ABCC6: variants seen among roughly 807,000 people sequenced by gnomAD.
The protein encoded by ABCC6 is ATP-binding cassette sub-family C member 6.
ABCC6 carries 126 observed loss-of-function variants against 169.5 expected under a neutral mutation model. The ratio of observed to expected loss-of-function variants is 0.74; its 90% CI spans 0.64 to 0.86. The LOEUF is 0.86. ABCC6 is among the 40% of genes least tolerant of loss of function. The pLI is 0.00. For missense variants in ABCC6, 1,733 were observed against 1,927.2 expected (o/e 0.90, Z 1.89); for synonymous variants, 752 against 814.7 (o/e 0.92, Z 1.31).
rs776917491 is a variant in ABCC6 at position 16,161,441 on chromosome 16, G to A, written c.3630C>T (p.Leu1210=). The change falls in exon 25 of 31, where the codon CTC becomes CTT. Residue 1210 remains leucine (L), a synonymous_variant. Coordinates refer to ENST00000205557, the MANE Select transcript of ABCC6 (RefSeq NM_001171.6). The part of the protein sequence containing the change: ...GLVGFSVSAA[L]QVTQTLQWVV... Reference sequence around the variant, plus strand: ...AGTTTGGGGATGTGGGGAGTACCTGGAGGGCAGCAGAGACAGAGAAGCCCA... The same window carrying A: ...AGTTTGGGGATGTGGGGAGTACCTGAAGGGCAGCAGAGACAGAGAAGCCCA... The A allele has an allele frequency of 1.2e-6, 2 of 1,613,846 alleles. No individual in the cohort carries two copies. Among genetic ancestry groups the A allele is most frequent in the Admixed American group, 1.7e-5 (1 of 60,020 alleles).
rs746608585 is a variant in ABCC6, at chr16:16,182,836, G to A, written c.2038C>T (p.Leu680=). Residue 680 remains leucine, a synonymous_variant, in exon 16 of 31, where the codon CTG becomes TTG. Coordinates refer to ENST00000205557, the MANE Select transcript of ABCC6 (RefSeq NM_001171.6). ...CTCACGAACCCCTCCACCTTTGACA[G>A]CTCCCCAAGGAGGGCGGACAGCAGG... is the stretch of plus-strand genomic sequence containing the variant. ...SSLLSALLGE[L]SKVEGFVSIE... 2.5e-6 allele frequency: 4 copies of A among 1,614,074 alleles called. No homozygotes were observed. In the East Asian group the frequency reaches 8.9e-5, roughly 36 times the overall value.
chr16:16,208,656 G>A, intron 7 of ABCC6, 72 bp downstream of exon 7: 1 of 1,611,812 alleles, frequency 6.2e-7, no homozygotes, highest in African/African-American at 1.3e-5. Context: ...ACAGTCGTGA[G>A]CCACCGCACC....
chr16:16,160,950 C>T (rs532985589), intron 25 of ABCC6, among the ~76,000 whole-genome samples: 19 of 151,346 alleles, frequency 1.3e-4, no homozygotes, highest in African/African-American at 4.6e-4. Flanking sequence ...TAATAGTTAA[C>T]AAAAATTAGC....
chr16:16,180,150 T>G (rs543714957), intron 17 of ABCC6, among the ~76,000 whole-genome samples: 1 of 152,286 alleles, frequency 6.6e-6, no homozygotes, highest in East Asian at 1.9e-4. Flanking sequence ...CAATAAGGAA[T>G]GGCTGTAAAT....
chr16:16,214,212 A>G (rs1429074268), intron 5 of ABCC6, 112 bp downstream of exon 5: 1 of 1,544,362 alleles, frequency 6.5e-7, no homozygotes, highest in East Asian at 2.4e-5. Flanking sequence ...GAAATGTGGT[A>G]CACTTTTTGC....
intron 7 of ABCC6, 103 bp downstream of exon 7, chr16:16,208,625 G>A: frequency 6.3e-7 from 1 of 1,588,406 alleles, no homozygotes; most frequent in Admixed American, 1.7e-5. Flanking sequence ...GCCTGCCTCG[G>A]CCTCCCAAAA....
At chr16:16,203,964 G>A (rs924338195) in intron 7 of ABCC6, among the ~76,000 whole-genome samples, 14 of 152,114 alleles carry the variant, frequency 9.2e-5, no homozygotes, top group Admixed American at 5.9e-4. Flanking sequence ...TCAGAGAAGC[G>A]AACTTGCCCA....
rs558000952 is a variant in ABCC6 at position 16,219,454 on chromosome 16, A to G, written c.474+100T>C. The G allele has an allele frequency of 6.7e-4, 477 of 707,376 alleles. No individual in the cohort carries two copies. The African/African-American group carries it at 7.8e-3, about 12-fold the overall frequency. The allele number at this position is 707,376 out of a possible 1,614,324, so 43.8% of individuals were successfully genotyped here. On this transcript the variant is annotated intron_variant, in intron 4 of 30. Transcript: ENST00000205557. ...GTGACTGGCTTGTGTGTGTCACTGT[A>G]TAGAGAATAAGTTGTATGTGGAAAC...
At chr16:16,217,792 T>TA (rs2048932126) in intron 4 of ABCC6, among the ~76,000 whole-genome samples, 1 of 152,142 alleles carries the variant, frequency 6.6e-6, no homozygotes, top group East Asian at 2.0e-4. Flanking sequence ...GTTACTCTTT[T>TA]AAAAACTCTG....
At chr16:16,204,885 G>A (rs1454880066) in intron 7 of ABCC6, among the ~76,000 whole-genome samples, 4 of 150,778 alleles carry the variant, frequency 2.7e-5, no homozygotes, top group Non-Finnish European at 1.5e-5. Context: ...GCCCAGGCTG[G>A]AGTGCAGTGT....
chr16:16,167,361 G>A (rs930051535), intron 22 of ABCC6, among the ~76,000 whole-genome samples: 3 of 152,200 alleles, frequency 2.0e-5, no homozygotes, highest in African/African-American at 7.2e-5. Flanking sequence ...GAAATAAAGC[G>A]ATTTCTTGTT....
At position 16,192,385 on chromosome 16, in the gene ABCC6, G is replaced by A. The variant is rs369859974; in HGVS notation, c.1431+445C>T. On this transcript the variant is annotated intron_variant, in intron 11 of 30. Coordinates refer to ENST00000205557, the MANE Select transcript of ABCC6 (RefSeq NM_001171.6). ...CCGCTGTGGGTCTGAGTAGAGGAGG[G>A]GTACAACGTATTTGGTTTGCATAGG... is the stretch of plus-strand genomic sequence containing the variant. Among the ~76,000 whole-genome samples the A allele has an allele frequency of 2.0e-5, 3 of 152,056 alleles. No homozygotes were observed. In the East Asian group the frequency reaches 5.8e-4, roughly 29 times the overall value.
At chr16:16,220,580 G>GT (rs2049038035) in intron 2 of ABCC6, among the ~76,000 whole-genome samples, 1 of 152,028 alleles carries the variant, frequency 6.6e-6, no homozygotes, top group Non-Finnish European at 1.5e-5. Context: ...CCAAATTTCA[G>GT]TGACTACAAA....
At chr16:16,162,941 C>A (rs2046765806) in intron 24 of ABCC6, 52 bp downstream of exon 24, 9 of 1,610,546 alleles carry the variant, frequency 5.6e-6, no homozygotes, top group African/African-American at 2.7e-5. Context: ...AGGTCTCACC[C>A]TCTAAGGATA....
At chr16:16,164,813 C>G (rs1289927013) in intron 23 of ABCC6, among the ~76,000 whole-genome samples, 1 of 152,168 alleles carries the variant, frequency 6.6e-6, no homozygotes, top group Non-Finnish European at 1.5e-5. Flanking sequence ...GCTAACTAGT[C>G]CCCAGGTGAT....
rs757212465 is a variant in ABCC6 at position 16,160,901 on chromosome 16, T to TA, written c.3633+536_3633+537insT. 3.3e-5 allele frequency among the ~76,000 whole-genome samples: 5 copies of TA among 152,036 alleles called. No individual in the cohort carries two copies. The East Asian group carries it at 7.7e-4, about 23-fold the overall frequency. On this transcript the variant is annotated intron_variant, in intron 25 of 30. Coordinates refer to ENST00000205557, the MANE Select transcript of ABCC6 (RefSeq NM_001171.6). ...AAATGCTTATGAGTGTATATATATA[T>TA]TTTTTTCATAGATGTCATGAACTGA...
chr16:16,177,566 G>C lies in ABCC6; in HGVS notation c.2476C>G (p.Leu826Val). Residue 826 changes from leucine (L) to valine (V), a missense_variant, in exon 19 of 31, where the codon CTG becomes GTG. Coordinates refer to ENST00000205557, the MANE Select transcript of ABCC6 (RefSeq NM_001171.6). ...ATCTCTGCGATGGCCCCATTTGCCA[G>C]CACTATGATCCAATCAGCCTGGGGC... is the stretch of plus-strand genomic sequence containing the variant. ...ILPQADWIIV[L>V]ANGAIAEMGS... 6.2e-7 allele frequency: 1 copy of C among 1,614,106 alleles called. No individual in the cohort carries two copies. Among genetic ancestry groups the C allele is most frequent in the East Asian group, 2.2e-5 (1 of 44,898 alleles).
intron 24 of ABCC6, among the ~76,000 whole-genome samples, chr16:16,162,029 C>T (rs922787697): frequency 2.6e-5 from 4 of 152,108 alleles, no homozygotes; most frequent in Admixed American, 1.3e-4. Flanking sequence ...TAAAAGGATG[C>T]GGCAGTTCCC....
At chr16:16,194,189 T>C (rs2047959036) in intron 10 of ABCC6, among the ~76,000 whole-genome samples, 1 of 152,268 alleles carries the variant, frequency 6.6e-6, no homozygotes. Context: ...TTCTCTTGTC[T>C]GCAAAATGGG....
Sources: allele counts gnomAD v4.1 joint callset (sites outside exome capture counted in the v4.1 genomes callset), GRCh38; gene constraint gnomAD v4.1.1; transcripts MANE v1.5; gene names NCBI Gene and HGNC (gene_info 2026-07-23, HGNC 2026-07-21).